The following LRRC4C variants were observed in gnomAD, a reference collection of about 807,000 sequenced individuals.
The protein encoded by LRRC4C is leucine rich repeat containing 4C.
LRRC4C carries 5 observed loss-of-function variants against 33.6 expected under a neutral mutation model. The ratio of observed to expected loss-of-function variants is 0.15; its 90% CI spans 0.08 to 0.31. The LOEUF (loss-of-function observed/expected upper bound fraction) is 0.31. LRRC4C is among the 10% of genes least tolerant of loss of function. The pLI, the probability that LRRC4C is intolerant of heterozygous loss-of-function variation, is 1.00. For missense variants in LRRC4C, 560 were observed against 796.7 expected (o/e 0.70, Z 3.58); for synonymous variants, 329 against 302.0 (o/e 1.09, Z -0.93).
chr11:40,314,638 G>T (rs555780383), intron 4 of LRRC4C, among the ~76,000 whole-genome samples: 12 of 152,188 alleles, frequency 7.9e-5, no homozygotes, highest in African/African-American at 1.4e-4. Flanking sequence ...CCAAGGTATG[G>T]ATTCAACTCA....
At chr11:41,163,231 A>G (rs1187571095) in intron 1 of LRRC4C, among the ~76,000 whole-genome samples, 2 of 143,868 alleles carry the variant, frequency 1.4e-5, no homozygotes, top group East Asian at 4.2e-4. Flanking sequence ...AGTCTCAGGT[A>G]TGTCTTTATT....
intron 1 of LRRC4C, among the ~76,000 whole-genome samples, chr11:41,377,549 G>A (rs779608560): frequency 6.6e-6 from 1 of 152,124 alleles, no homozygotes; most frequent in Non-Finnish European, 1.5e-5. Context: ...GTTGCTAAAT[G>A]TTTTCAATCA....
intron 3 of LRRC4C, among the ~76,000 whole-genome samples, chr11:40,346,197 G>A (rs916730792): frequency 5.3e-5 from 8 of 152,114 alleles, no homozygotes; most frequent in African/African-American, 1.9e-4. Context: ...TCCCATTACT[G>A]CATATATACC....
At chr11:41,402,667 A>C (rs1173038816) in intron 1 of LRRC4C, among the ~76,000 whole-genome samples, 1 of 152,038 alleles carries the variant, frequency 6.6e-6, no homozygotes, top group Non-Finnish European at 1.5e-5. Context: ...CCTATAGCAG[A>C]ATTTCTAATG....
At chr11:41,012,993 G>A (rs1399160297) in intron 1 of LRRC4C, among the ~76,000 whole-genome samples, 3 of 151,814 alleles carry the variant, frequency 2.0e-5, no homozygotes, top group Non-Finnish European at 4.4e-5. Flanking sequence ...TTTTTCATAT[G>A]GATAGTTCAC....
At chr11:40,796,757 C>T (rs1950848914) in intron 2 of LRRC4C, among the ~76,000 whole-genome samples, 1 of 151,294 alleles carries the variant, frequency 6.6e-6, no homozygotes, top group Non-Finnish European at 1.5e-5. Flanking sequence ...ACCGACTCTC[C>T]TGCCTCAGCC....
At chr11:40,287,567 AAGATCAGCCT>A (rs1417322332) in intron 4 of LRRC4C, among the ~76,000 whole-genome samples, 1 of 152,174 alleles carries the variant, frequency 6.6e-6, no homozygotes, top group Non-Finnish European at 1.5e-5. Flanking sequence ...TCTCAGCCAC[AAGATCAGCCT>A]AATTAAATTT....
At chr11:41,186,069 G>T (rs1206512957) in intron 1 of LRRC4C, among the ~76,000 whole-genome samples, 1 of 151,944 alleles carries the variant, frequency 6.6e-6, no homozygotes. Context: ...AATTATAAAA[G>T]ATAGATAAAT....
chr11:40,734,978 A>T (rs1171866149), intron 2 of LRRC4C, among the ~76,000 whole-genome samples: 1 of 151,804 alleles, frequency 6.6e-6, no homozygotes, highest in Non-Finnish European at 1.5e-5. Flanking sequence ...AGAGAAAAAA[A>T]TAATCTCTCT....
chr11:41,419,842 C>T (rs1954814811), intron 1 of LRRC4C, among the ~76,000 whole-genome samples: 1 of 151,862 alleles, frequency 6.6e-6, no homozygotes, highest in Non-Finnish European at 1.5e-5. Context: ...CCATCTGATA[C>T]TCAAGCTTCA....
At chr11:41,125,795 T>C (rs1028972045) in intron 1 of LRRC4C, among the ~76,000 whole-genome samples, 4 of 152,114 alleles carry the variant, frequency 2.6e-5, no homozygotes, top group African/African-American at 9.7e-5. Context: ...CTACGAAAAC[T>C]ACTATTGAAA....
At chr11:40,688,252 C>A (rs975450330) in intron 2 of LRRC4C, among the ~76,000 whole-genome samples, 16 of 152,026 alleles carry the variant, frequency 1.1e-4, no homozygotes, top group Admixed American at 5.2e-4. Flanking sequence ...GAACTGAAGA[C>A]CTAACTTAAC....
intron 1 of LRRC4C, among the ~76,000 whole-genome samples, chr11:41,009,390 G>A (rs1855007502): frequency 6.6e-6 from 1 of 152,174 alleles, no homozygotes; most frequent in Non-Finnish European, 1.5e-5. Context: ...ATGCTGAAAA[G>A]AAGACTGACA....
At chr11:40,157,825 A>G (rs1590561417) in intron 5 of LRRC4C, among the ~76,000 whole-genome samples, 1 of 152,174 alleles carries the variant, frequency 6.6e-6, no homozygotes, top group African/African-American at 2.4e-5. Flanking sequence ...GTGAACTAGT[A>G]CAGCCACTAT....
intron 3 of LRRC4C, among the ~76,000 whole-genome samples, chr11:40,389,664 AAT>A (rs1328943276): frequency 1.3e-5 from 2 of 152,122 alleles, no homozygotes; most frequent in Non-Finnish European, 2.9e-5. Flanking sequence ...TACCTTCCCT[AAT>A]AATCTCCCCT....
At chr11:40,285,641 C>G (rs1943784957) in intron 4 of LRRC4C, among the ~76,000 whole-genome samples, 1 of 152,138 alleles carries the variant, frequency 6.6e-6, no homozygotes, top group African/African-American at 2.4e-5. Flanking sequence ...TAAGGGCATA[C>G]TTGGAAATGA....
intron 3 of LRRC4C, among the ~76,000 whole-genome samples, chr11:40,420,580 T>C (rs1950488437): frequency 6.6e-6 from 1 of 152,174 alleles, no homozygotes; most frequent in Non-Finnish European, 1.5e-5. Context: ...CAAAGACACA[T>C]CTGGCAGAGA....
intron 2 of LRRC4C, among the ~76,000 whole-genome samples, chr11:40,655,470 G>A (rs1255779278): frequency 2.0e-5 from 3 of 152,068 alleles, no homozygotes; most frequent in African/African-American, 7.2e-5. Context: ...TATGGGCTCT[G>A]TTCAGTAGGA....
chr11:40,630,563 T>C (rs182045771), intron 3 of LRRC4C, among the ~76,000 whole-genome samples: 2 of 152,272 alleles, frequency 1.3e-5, no homozygotes, highest in Admixed American at 1.3e-4. Flanking sequence ...CACTATTTGG[T>C]AATTCATAAT....
Sources: gnomAD v4.1 joint callset for allele counts (sites outside exome capture counted in the v4.1 genomes callset) on GRCh38, gnomAD v4.1.1 for gene constraint, MANE v1.5 for transcripts, NCBI Gene and HGNC (gene_info 2026-07-23, HGNC 2026-07-21) for gene names.